The following INPP5A variants were observed in gnomAD, a reference collection of about 807,000 sequenced individuals.
The protein encoded by INPP5A is 43 kDa inositol polyphosphate 5-phophatase.
INPP5A carries 14 observed loss-of-function variants against 65.2 expected under a neutral mutation model. The ratio of observed to expected loss-of-function variants is 0.21; its 90% CI spans 0.14 to 0.34. The LOEUF (loss-of-function observed/expected upper bound fraction) is 0.34. Among genes scored for constraint, INPP5A ranks in the 10% least tolerant of loss-of-function variants. INPP5A has a pLI of 1.00. For synonymous variants in INPP5A, 207 were observed against 208.3 expected (o/e 0.99, Z 0.05); for missense variants, 431 against 545.6 (o/e 0.79, Z 2.09).
At chr10:132,626,451 G>A (rs1001230512) in intron 2 of INPP5A, among the ~76,000 whole-genome samples, 1 of 152,224 alleles carries the variant, frequency 6.6e-6, no homozygotes, top group Non-Finnish European at 1.5e-5. Context: ...CAGCCAGTAG[G>A]TGGGAGTCCT....
intron 1 of INPP5A, among the ~76,000 whole-genome samples, chr10:132,576,017 A>C (rs1419562365): frequency 6.6e-6 from 1 of 152,148 alleles, no homozygotes. Context: ...CCTCCACCAC[A>C]GATGCCACCT....
chr10:132,546,721 G>A lies in INPP5A; in HGVS notation c.75+8550G>A, dbSNP rs1040171099. Among the ~76,000 whole-genome samples the A allele has an allele frequency of 5.9e-5, 9 of 152,158 alleles. No individual in the cohort carries two copies. Among genetic ancestry groups the A allele is most frequent in the Non-Finnish European group, 1.3e-4 (9 of 68,024 alleles). On this transcript the variant is annotated intron_variant, in intron 1 of 15. Transcript: ENST00000368594. This position sits in a 1 kb window ranked among gnomAD's most constrained non-coding sequence, Gnocchi z 5.7. Reference sequence around the variant, plus strand: ...CACTGAACTGCCCCTCTTCCTGGGTGCACTGCATACCCCGGGCCCCCTGGG... The same window carrying A: ...CACTGAACTGCCCCTCTTCCTGGGTACACTGCATACCCCGGGCCCCCTGGG...
In INPP5A at chr10:132,587,248, C is replaced by CTGG. The variant is rs2133307915; in HGVS notation, c.76-20667_76-20666insTGG. Among the ~76,000 whole-genome samples the CTGG allele has an allele frequency of 6.6e-6, 1 of 152,350 alleles. No homozygotes were observed. Among genetic ancestry groups the CTGG allele is most frequent in the Admixed American group, 6.5e-5 (1 of 15,304 alleles). ...AGATGGACCCAGGGCAGCTTGGGCC[C>CTGG]GTTCCTCACCTGTTACCTGCTGGCA... On this transcript the variant is annotated intron_variant, in intron 1 of 15. Coordinates refer to ENST00000368594, the MANE Select transcript of INPP5A (RefSeq NM_005539.5). The surrounding 1 kb of genome is among the most constrained non-coding windows in gnomAD (Gnocchi z 4.3).
At chr10:132,719,357 G>T (rs1590953296) in intron 8 of INPP5A, among the ~76,000 whole-genome samples, 1 of 149,446 alleles carries the variant, frequency 6.7e-6, no homozygotes, top group East Asian at 2.0e-4. Flanking sequence ...GTTCTGTCTG[G>T]GCGCCTTAGA....
intron 4 of INPP5A, among the ~76,000 whole-genome samples, chr10:132,657,952 C>T (rs1276022110): frequency 6.6e-6 from 1 of 152,240 alleles, no homozygotes; most frequent in Non-Finnish European, 1.5e-5. Flanking sequence ...CAGGTAATGA[C>T]CTGCTCCCCG....
chr10:132,650,885 C>T lies in INPP5A; in HGVS notation c.306+380C>T, dbSNP rs140508840. ...TTGCTTCAAGAGCCACCGTCGCCAGCCCTGCTCCCATGCTGGGTCCGTCCC... is the reference window on the plus strand; with the variant it reads ...TTGCTTCAAGAGCCACCGTCGCCAGTCCTGCTCCCATGCTGGGTCCGTCCC... On this transcript the variant is annotated intron_variant, in intron 4 of 15. Transcript: ENST00000368594. This position sits in a 1 kb window ranked among gnomAD's most constrained non-coding sequence, Gnocchi z 5.5. Among the ~76,000 whole-genome samples the T allele has an allele frequency of 2.3e-3, 343 of 152,320 alleles. 4 individuals are homozygous for T. Among genetic ancestry groups the T allele is most frequent in the Middle Eastern group, 3.4e-3 (1 of 294 alleles).
Position 132,732,899 on chromosome 10 carries a change from C to T in INPP5A, c.732+5994C>T, listed in dbSNP as rs550477583. On this transcript the variant is annotated intron_variant, in intron 9 of 15. Coordinates refer to ENST00000368594, the MANE Select transcript of INPP5A (RefSeq NM_005539.5). ...CCTCCCGCGCAGAGTCTCCTGTCTC[C>T]GTGTGGGGAGATTCCTGCGGCAGTG... Among the ~76,000 whole-genome samples the T allele has an allele frequency of 3.2e-4, 49 of 152,266 alleles. 1 individual carries two copies. The highest frequency in any genetic ancestry group is 3.9e-4 in the East Asian group (2 of 5,168).
chr10:132,604,368 A>G (rs1222752701), intron 1 of INPP5A, among the ~76,000 whole-genome samples: 1 of 151,918 alleles, frequency 6.6e-6, no homozygotes, highest in Non-Finnish European at 1.5e-5. Flanking sequence ...CTGTGCTGTC[A>G]GGGTCCCCTC....
intron 4 of INPP5A, among the ~76,000 whole-genome samples, chr10:132,688,607 A>G (rs757708448): frequency 6.6e-6 from 1 of 152,096 alleles, no homozygotes; most frequent in African/African-American, 2.4e-5. Flanking sequence ...GCGTGTGTGC[A>G]AGTGTGTGAG....
At chr10:132,573,325 G>A (rs2071373527) in intron 1 of INPP5A, among the ~76,000 whole-genome samples, 2 of 140,662 alleles carry the variant, frequency 1.4e-5, no homozygotes, top group Admixed American at 7.1e-5. Context: ...TGAGATGTTG[G>A]GGTGTGTGTG....
intron 1 of INPP5A, among the ~76,000 whole-genome samples, chr10:132,573,140 G>A (rs889304314): frequency 1.4e-5 from 2 of 143,922 alleles, no homozygotes; most frequent in African/African-American, 5.2e-5. Context: ...TTGTTGAGAT[G>A]TTGGGGTGTG....
In INPP5A at chr10:132,697,076, C is replaced by T. The variant is rs74667010; in HGVS notation, c.371-740C>T. ...ACCTCGTTGACACCCAGGAGTGTCA[C>T]CTCAGTGGCCCAGGAGCCATCCTGT... On this transcript the variant is annotated intron_variant, in intron 5 of 15. Coordinates refer to ENST00000368594, the MANE Select transcript of INPP5A (RefSeq NM_005539.5). The surrounding 1 kb of genome is among the most constrained non-coding windows in gnomAD (Gnocchi z 5.6). Among the ~76,000 whole-genome samples the T allele has an allele frequency of 0.019, 2,942 of 152,360 alleles. 39 individuals carry two copies. The highest frequency in any genetic ancestry group is 0.039 in the South Asian group (189 of 4,828).
chr10:132,625,446 A>G (rs2072170177), intron 2 of INPP5A, among the ~76,000 whole-genome samples: 1 of 152,090 alleles, frequency 6.6e-6, no homozygotes, highest in Admixed American at 6.5e-5. Flanking sequence ...AACACACCCC[A>G]GGCAGGATTC....
intron 11 of INPP5A, 93 bp downstream of exon 11, chr10:132,749,938 GCCTTGT>G: frequency 9.1e-7 from 1 of 1,104,266 alleles, no homozygotes; most frequent in African/African-American, 1.5e-5. Context: ...GGACCACCCT[GCCTTGT>G]CCCTGCCACC....
chr10:132,572,848 C>G (rs1412486543), intron 1 of INPP5A, among the ~76,000 whole-genome samples: 1 of 152,220 alleles, frequency 6.6e-6, no homozygotes, highest in East Asian at 1.9e-4. Flanking sequence ...TGCTGAAATG[C>G]AAGACCTGGG....
intron 2 of INPP5A, among the ~76,000 whole-genome samples, chr10:132,638,227 G>T (rs1325008398): frequency 6.6e-6 from 1 of 152,096 alleles, no homozygotes; most frequent in African/African-American, 2.4e-5. Context: ...TCTCAGTAGT[G>T]CCCTTGAAGC....
At position 132,644,200 on chromosome 10, in the gene INPP5A, C is replaced by T. The variant is rs571893191; in HGVS notation, c.118-1668C>T. ...CTGAAGGCAGTGGGCTGTCTGGCCTCCTGAGTGCCCGGGGAGCCCACGCCC... is the reference window on the plus strand; with the variant it reads ...CTGAAGGCAGTGGGCTGTCTGGCCTTCTGAGTGCCCGGGGAGCCCACGCCC... On this transcript the variant is annotated intron_variant, in intron 2 of 15. Coordinates refer to ENST00000368594, the MANE Select transcript of INPP5A (RefSeq NM_005539.5). The surrounding 1 kb of genome is among the most constrained non-coding windows in gnomAD (Gnocchi z 6.5). Among the ~76,000 whole-genome samples, 3 of 152,346 alleles carry T rather than the reference C, an allele frequency of 2.0e-5. No homozygotes were observed. The highest frequency in any genetic ancestry group is 6.5e-5 in the Admixed American group (1 of 15,310).
At chr10:132,618,035 C>G (rs1343725264) in intron 2 of INPP5A, among the ~76,000 whole-genome samples, 1 of 152,044 alleles carries the variant, frequency 6.6e-6, no homozygotes, top group Non-Finnish European at 1.5e-5. Context: ...TTCTGTTGGA[C>G]CTTGAGGTAG....
At chr10:132,747,127 A>G (rs767667708) in intron 9 of INPP5A, among the ~76,000 whole-genome samples, 13 of 152,236 alleles carry the variant, frequency 8.5e-5, no homozygotes, top group Non-Finnish European at 1.6e-4. Context: ...GATGGCTACA[A>G]TGGCCGTCTG....
Sources: gnomAD v4.1 joint callset for allele counts (sites outside exome capture counted in the v4.1 genomes callset) on GRCh38, gnomAD v4.1.1 for gene constraint, Gnocchi (gnomAD v3.1) non-coding constraint, MANE v1.5 for transcripts, NCBI Gene and HGNC (gene_info 2026-07-23, HGNC 2026-07-21) for gene names.